GRID2: variants seen among roughly 807,000 people sequenced by gnomAD.
GRID2 encodes glutamate ionotropic receptor delta type subunit 2.
GRID2 carries 33 observed loss-of-function variants against 114.8 expected under a neutral mutation model. The ratio of observed to expected loss-of-function variants is 0.29; its 90% CI spans 0.22 to 0.38. GRID2 has a LOEUF of 0.38. GRID2 is among the 10% of genes least tolerant of loss of function. The pLI is 1.00. For synonymous variants in GRID2, 505 were observed against 449.9 expected, an observed-to-expected ratio of 1.12 and a Z score of -1.55; for missense variants, 1,184 against 1,257.7, an observed-to-expected ratio of 0.94 and a Z score of 0.89.
intron 14 of GRID2, among the ~76,000 whole-genome samples, chr4:93,714,211 T>C (rs1728718906): frequency 6.6e-6 from 1 of 152,142 alleles, no homozygotes; most frequent in South Asian, 2.1e-4. Flanking sequence ...TTTCCTGTGT[T>C]AGTTTGCTGA....
intron 1 of GRID2, among the ~76,000 whole-genome samples, chr4:92,429,103 C>A (rs923924022): frequency 6.6e-6 from 1 of 152,044 alleles, no homozygotes; most frequent in African/African-American, 2.4e-5. Flanking sequence ...TGAATGAGAA[C>A]ATGCTGTGTT....
chr4:92,469,549 GTTATTT>G (rs1721920154), intron 1 of GRID2, among the ~76,000 whole-genome samples: 1 of 151,854 alleles, frequency 6.6e-6, no homozygotes, highest in Non-Finnish European at 1.5e-5. Flanking sequence ...TTGTTGTATT[GTTATTT>G]TTATTATTTC....
intron 2 of GRID2, among the ~76,000 whole-genome samples, chr4:92,662,092 C>G (rs1018760639): frequency 1.3e-5 from 2 of 150,962 alleles, no homozygotes; most frequent in African/African-American, 4.8e-5. Flanking sequence ...CTCAATGAAG[C>G]CCTAAGCCCT....
intron 7 of GRID2, among the ~76,000 whole-genome samples, chr4:93,231,390 CAAAAAA>C (rs34267723): frequency 9.6e-6 from 1 of 104,508 alleles, no homozygotes; most frequent in Non-Finnish European, 1.9e-5. Context: ...CACCCCCTGC[CAAAAAA>C]AAAAAAAAAA....
chr4:93,662,216 G>A (rs372441258), intron 14 of GRID2, among the ~76,000 whole-genome samples: 66 of 152,070 alleles, frequency 4.3e-4, no homozygotes, highest in African/African-American at 1.1e-3. Flanking sequence ...CACTGCGGCC[G>A]TCACTGACCA....
At chr4:92,715,186 C>A (rs994292706) in intron 2 of GRID2, among the ~76,000 whole-genome samples, 3 of 152,154 alleles carry the variant, frequency 2.0e-5, no homozygotes, top group East Asian at 1.9e-4. Context: ...AGGACAGGGG[C>A]AAAATGCCAT....
At chr4:93,681,856 G>C (rs543191969) in intron 14 of GRID2, among the ~76,000 whole-genome samples, 4,631 of 152,040 alleles carry the variant, frequency 0.03, 109 homozygotes, top group African/African-American at 0.062. Context: ...TTACCATTCA[G>C]GACATAGGCA....
intron 1 of GRID2, among the ~76,000 whole-genome samples, chr4:92,422,953 T>G (rs1731977885): frequency 1.3e-5 from 2 of 152,146 alleles, no homozygotes; most frequent in Non-Finnish European, 2.9e-5. Flanking sequence ...AGATAGAGCC[T>G]GTTAGGTTAG....
At chr4:92,393,795 C>A (rs190220443) in intron 1 of GRID2, among the ~76,000 whole-genome samples, 3 of 152,186 alleles carry the variant, frequency 2.0e-5, no homozygotes, top group Admixed American at 2.0e-4. Context: ...AAAGCTAACT[C>A]GATGTTCATT....
At chr4:93,231,163 T>C (rs1416514458) in intron 7 of GRID2, among the ~76,000 whole-genome samples, 1 of 152,076 alleles carries the variant, frequency 6.6e-6, no homozygotes, top group East Asian at 1.9e-4. Context: ...AATAGTGCCA[T>C]GTCATTGCAA....
chr4:92,534,407 T>C (rs1276159727), intron 1 of GRID2, among the ~76,000 whole-genome samples: 1 of 152,138 alleles, frequency 6.6e-6, no homozygotes, highest in Non-Finnish European at 1.5e-5. Context: ...TGTGAAAATA[T>C]AATTATCTTC....
At position 93,075,883 on chromosome 4, in the gene GRID2, C is replaced by CTCT. The variant is rs1490779668; in HGVS notation, c.245-9111_245-9110insCTT. Among the ~76,000 whole-genome samples, 118 of 76,606 alleles carry CTCT rather than the reference C, an allele frequency of 1.5e-3. 11 individuals are homozygous for CTCT. The highest frequency in any genetic ancestry group is 5.3e-3 in the African/African-American group (100 of 18,776). 50.3% of individuals were successfully genotyped at this position (76,606 alleles called of 152,430 possible). A position where few individuals can be genotyped will look rare whatever the true frequency, so the allele number is the denominator to read the frequency against. On this transcript the variant is annotated intron_variant, in intron 2 of 15. Transcript: ENST00000282020. Reference sequence around the variant, plus strand: ...GTATTGGGATGTCGAAGTTACCTCTCTTTTTTTTTTTTTTTTTTTTTTTTT... The same window carrying CTCT: ...GTATTGGGATGTCGAAGTTACCTCTCTCTTTTTTTTTTTTTTTTTTTTTTTTTT...
chr4:92,453,991 T>A (rs1246764014), intron 1 of GRID2, among the ~76,000 whole-genome samples: 2 of 152,206 alleles, frequency 1.3e-5, no homozygotes, highest in Non-Finnish European at 2.9e-5. Flanking sequence ...GCATGCACAC[T>A]TTGGCCACAG....
In GRID2 at chr4:93,271,642, C is replaced by T. The variant is rs1579499529; in HGVS notation, c.1245+33152C>T. Reference sequence around the variant, plus strand: ...AATTGTTGAATTTTAAGAATGTGATCATAAGTCACTCTATTGCTTAAAAAT... The same window carrying T: ...AATTGTTGAATTTTAAGAATGTGATTATAAGTCACTCTATTGCTTAAAAAT... On this transcript the variant is annotated intron_variant, in intron 8 of 15. Coordinates refer to ENST00000282020, the MANE Select transcript of GRID2 (RefSeq NM_001510.4). Among the ~76,000 whole-genome samples, 3 of 152,092 alleles carry T rather than the reference C, an allele frequency of 2.0e-5. No homozygotes were observed. The East Asian group carries it at 5.8e-4, about 29-fold the overall frequency.
intron 4 of GRID2, among the ~76,000 whole-genome samples, chr4:93,184,773 T>C (rs1375759415): frequency 6.6e-6 from 1 of 152,022 alleles, no homozygotes; most frequent in East Asian, 1.9e-4. Context: ...TCGCAGATAC[T>C]CAGGAGGCTG....
intron 1 of GRID2, among the ~76,000 whole-genome samples, chr4:93,802,521 A>G (rs1483633041): frequency 6.6e-6 from 1 of 152,192 alleles, no homozygotes; most frequent in African/African-American, 2.4e-5. Context: ...TACAACACCA[A>G]TGACCAAAGT....
At chr4:93,561,729 C>T (rs1319690098) in intron 13 of GRID2, among the ~76,000 whole-genome samples, 1 of 152,132 alleles carries the variant, frequency 6.6e-6, no homozygotes, top group African/African-American at 2.4e-5. Context: ...GATCTTATTA[C>T]TGCTTCCATA....
chr4:93,367,812 T>C (rs1762482879), intron 8 of GRID2, among the ~76,000 whole-genome samples: 1 of 152,188 alleles, frequency 6.6e-6, no homozygotes, highest in Non-Finnish European at 1.5e-5. Context: ...AGTGAACTAA[T>C]GAGTTGAGTG....
rs116320042 is a variant in GRID2, at chr4:93,375,828, C to T, written c.1246-19779C>T. 4.4e-3 allele frequency among the ~76,000 whole-genome samples: 677 copies of T among 152,226 alleles called. 7 individuals are homozygous for T. The highest frequency in any genetic ancestry group is 0.015 in the African/African-American group (622 of 41,542). ...AGAAATGGTAAAAGTAAAACATGAA[C>T]ATTTGGCCATCACTAATTATATTAG... is the stretch of plus-strand genomic sequence containing the variant. On this transcript the variant is annotated intron_variant, in intron 8 of 15. Transcript: ENST00000282020.
Sources: allele counts gnomAD v4.1 joint callset (sites outside exome capture counted in the v4.1 genomes callset), GRCh38; gene constraint gnomAD v4.1.1; transcripts MANE v1.5; gene names NCBI Gene and HGNC (gene_info 2026-07-23, HGNC 2026-07-21).